Variants in ERCC6L2 observed in about 807,000 individuals in gnomAD.
The protein encoded by ERCC6L2 is ERCC excision repair 6 like 2.
Under a neutral mutation model 132.0 loss-of-function variants are expected in ERCC6L2, and 77 were observed. The observed-to-expected ratio is 0.58, with a 90% CI of 0.49 to 0.71. The LOEUF is 0.71. Ranked by LOEUF, ERCC6L2 falls within the 30% of genes least tolerant of loss-of-function variation. ERCC6L2 has a pLI of 0.00. For missense variants in ERCC6L2, 1,542 were observed against 1,837.6 expected, an observed-to-expected ratio of 0.84 and a Z score of 2.94; for synonymous variants, 583 against 632.4, an observed-to-expected ratio of 0.92 and a Z score of 1.17.
intron 2 of ERCC6L2, among the ~76,000 whole-genome samples, chr9:95,885,502 T>G (rs1827816636): frequency 6.6e-6 from 1 of 152,224 alleles, no homozygotes; most frequent in Non-Finnish European, 1.5e-5. Flanking sequence ...AAATCCAAGA[T>G]TTTTATGACT....
intron 17 of ERCC6L2, among the ~76,000 whole-genome samples, chr9:96,003,500 G>A (rs924352823): frequency 6.6e-6 from 1 of 152,200 alleles, no homozygotes; most frequent in Non-Finnish European, 1.5e-5. Context: ...TCTAGCCTGT[G>A]TGCCAGGTTT....
intron 19 of ERCC6L2, among the ~76,000 whole-genome samples, chr9:96,033,300 C>G (rs949105181): frequency 6.6e-6 from 1 of 151,242 alleles, no homozygotes; most frequent in African/African-American, 2.4e-5. Context: ...GGCTGGAGTG[C>G]AATGGTGTGG....
Position 95,907,224 on chromosome 9 carries a change from T to C in ERCC6L2, c.741T>C (p.Ala247=), listed in dbSNP as rs749771113. Reference sequence around the variant, plus strand: ...TAAAGCAGAGGAAATGTGAAATTGCTCTAACAACTTATGAAACACTACGCT... The same window carrying C: ...TAAAGCAGAGGAAATGTGAAATTGCCCTAACAACTTATGAAACACTACGCT... ...IRVKQRKCEI[A]LTTYETLRLC... Residue 247 remains alanine, a synonymous_variant, in exon 4 of 19, where the codon GCT becomes GCC. Transcript: ENST00000653738. 6 of 1,613,102 alleles carry C rather than the reference T, an allele frequency of 3.7e-6. No homozygotes were observed. The highest frequency in any genetic ancestry group is 5.1e-6 in the Non-Finnish European group (6 of 1,179,740).
intron 11 of ERCC6L2, among the ~76,000 whole-genome samples, chr9:95,933,952 A>T (rs906888294): frequency 1.3e-5 from 2 of 151,996 alleles, no homozygotes; most frequent in African/African-American, 4.8e-5. Flanking sequence ...AGGTTAATTT[A>T]TTTGCATTTT....
chr9:95,915,599 T>C, intron 4 of ERCC6L2, 69 bp from the exon 5 acceptor site: 1 of 1,430,162 alleles, frequency 7.0e-7, no homozygotes, highest in Admixed American at 2.3e-5. Context: ...AGAAAGCTAC[T>C]GTCTAAAATT....
Position 95,923,369 on chromosome 9 carries a change from G to T in ERCC6L2, c.1523G>T (p.Gly508Val). ...FETLSDPKYS[G>V]KMKVLQQLLN... ...ACACTTTCTGACCCTAAATACAGTG[G>T]AAAAATGAAGGTAAGTGCTCCTCTT... is the stretch of plus-strand genomic sequence containing the variant. Residue 508 changes from glycine (G) to valine (V), a missense_variant, in exon 9 of 19, where the codon GGA (glycine) becomes GTA (valine). Physicochemically the swap from Gly to Val is moderately radical, Grantham distance 109. Coordinates refer to ENST00000653738, the MANE Select transcript of ERCC6L2 (RefSeq NM_020207.7). 2.5e-6 allele frequency: 4 copies of T among 1,612,776 alleles called. No individual in the cohort carries two copies. The highest frequency in any genetic ancestry group is 1.1e-5 in the South Asian group (1 of 90,876).
chr9:96,025,805 G>A (rs1834352638), intron 19 of ERCC6L2: 2 of 152,226 alleles, frequency 1.3e-5, no homozygotes, highest in Admixed American at 6.5e-5. Flanking sequence ...ACTGTGCGCG[G>A]TGTTAAGACC....
chr9:95,915,848 TA>T lies in ERCC6L2; in HGVS notation c.950+25del. ...TGGACTGGTGAGAGAAAACACTTTT[TA>T]AAAAATTGTTTAATAGTTCTTCAGC... On this transcript the variant is annotated intron_variant, in intron 5 of 18. Transcript: ENST00000653738. 3.8e-6 allele frequency: 6 copies of T among 1,571,332 alleles called. No homozygotes were observed. Among genetic ancestry groups the T allele is most frequent in the Non-Finnish European group, 4.3e-6 (5 of 1,162,606 alleles).
intron 3 of ERCC6L2, among the ~76,000 whole-genome samples, chr9:95,906,196 T>C (rs1038436399): frequency 6.6e-6 from 1 of 152,196 alleles, no homozygotes; most frequent in East Asian, 1.9e-4. Context: ...TGATAACTCT[T>C]GATCTTTGCT....
chr9:95,951,633 A>G (rs73536506), intron 12 of ERCC6L2, among the ~76,000 whole-genome samples: 2,982 of 152,298 alleles, frequency 0.02, 107 homozygotes, highest in African/African-American at 0.069. Context: ...CTGATTTTAC[A>G]GAAATAAAAA....
At chr9:95,929,078 T>C (rs1251557442) in intron 11 of ERCC6L2, 4 of 351,302 alleles carry the variant, frequency 1.1e-5, no homozygotes, top group Non-Finnish European at 2.0e-5. Context: ...GAAGTCTGGG[T>C]TTATAAAGGT....
At chr9:95,881,787 T>C (rs918027554) in intron 2 of ERCC6L2, among the ~76,000 whole-genome samples, 3 of 152,240 alleles carry the variant, frequency 2.0e-5, no homozygotes, top group Non-Finnish European at 2.9e-5. Context: ...CCCTAAAATG[T>C]GTACTAGAAT....
chr9:95,988,250 T>G (rs957615424), intron 17 of ERCC6L2, among the ~76,000 whole-genome samples: 1 of 152,262 alleles, frequency 6.6e-6, no homozygotes, highest in Non-Finnish European at 1.5e-5. Context: ...GAGTTGGCAT[T>G]AGATAAGACA....
At chr9:95,928,391 A>C in intron 10 of ERCC6L2, 2 of 424,064 alleles carry the variant, frequency 4.7e-6, no homozygotes, top group East Asian at 7.2e-5. Context: ...AATAATTACA[A>C]TGTTCTTTAA....
chr9:96,001,059 C>G (rs955167915), intron 17 of ERCC6L2, among the ~76,000 whole-genome samples: 2 of 151,956 alleles, frequency 1.3e-5, no homozygotes, highest in African/African-American at 4.8e-5. Context: ...GTGAGTGTTA[C>G]AGCTCTTAAG....
chr9:95,987,747 G>A (rs956763288), intron 17 of ERCC6L2, among the ~76,000 whole-genome samples: 5 of 152,200 alleles, frequency 3.3e-5, no homozygotes, highest in Admixed American at 2.6e-4. Flanking sequence ...CCACTAGGCA[G>A]TGCCCTATTG....
chr9:95,893,959 A>C (rs761862588), intron 2 of ERCC6L2, among the ~76,000 whole-genome samples: 3 of 152,172 alleles, frequency 2.0e-5, no homozygotes, highest in Non-Finnish European at 4.4e-5. Context: ...CTTTCCTAAT[A>C]CAGATGCTCC....
intron 12 of ERCC6L2, among the ~76,000 whole-genome samples, chr9:95,943,519 A>T (rs1194697052): frequency 6.6e-6 from 1 of 152,152 alleles, no homozygotes; most frequent in Non-Finnish European, 1.5e-5. Context: ...ACGTTTTAAA[A>T]AACACCCAGG....
chr9:95,896,179 T>C (rs1212466542), intron 2 of ERCC6L2, among the ~76,000 whole-genome samples: 1 of 152,164 alleles, frequency 6.6e-6, no homozygotes, highest in African/African-American at 2.4e-5. Flanking sequence ...GAAAACATTC[T>C]TTAGTTAGTT....
Sources: allele counts gnomAD v4.1 joint callset (sites outside exome capture counted in the v4.1 genomes callset), GRCh38; gene constraint gnomAD v4.1.1; transcripts MANE v1.5; gene names NCBI Gene and HGNC (gene_info 2026-07-23, HGNC 2026-07-21).